Variants in FHIP1A observed in about 807,000 individuals in gnomAD.
FHIP1A encodes FHF complex subunit HOOK-interacting protein 1A.
In FHIP1A, 61 loss-of-function variants were observed where a neutral mutation model predicts 88.6. That is an observed-to-expected ratio of 0.69 (90% CI 0.56 to 0.85). The LOEUF (loss-of-function observed/expected upper bound fraction) is 0.85. Among genes scored for constraint, FHIP1A ranks in the 40% least tolerant of loss-of-function variants. The pLI, the probability that FHIP1A is intolerant of heterozygous loss-of-function variation, is 0.00. For missense variants in FHIP1A, 1,154 were observed against 1,273.5 expected (o/e 0.91, Z 1.43); for synonymous variants, 478 against 496.0 (o/e 0.96, Z 0.48).
chr4:151,644,670 A>C (rs9307883), intron 9 of FHIP1A, among the ~76,000 whole-genome samples: 5,239 of 152,202 alleles, frequency 0.034, 306 homozygotes, highest in African/African-American at 0.12. Context: ...AGGAGTCTTA[A>C]ATATATGCAT....
intron 2 of FHIP1A, among the ~76,000 whole-genome samples, chr4:151,471,090 A>G (rs1488633679): frequency 6.6e-6 from 1 of 152,124 alleles, no homozygotes; most frequent in Non-Finnish European, 1.5e-5. Context: ...GAATGCATAT[A>G]GATGAGGGAC....
rs1737628393 is a variant in FHIP1A, at chr4:151,665,526, GGGTGAAATAACTGAGAGT to G, written c.*2775_*2792del. On this transcript the variant is annotated 3_prime_UTR_variant, in exon 14 of 14. Coordinates refer to ENST00000435205, the MANE Select transcript of FHIP1A (RefSeq NM_001109977.3). ...AGAGAACAGGAAAACCCATGTGGCT[GGGTGAAATAACTGAGAGT>G]GGGTTATTTAGGGAGTGACGTGGAC... is the stretch of plus-strand genomic sequence containing the variant. Among the ~76,000 whole-genome samples the G allele has an allele frequency of 6.6e-6, 1 of 152,222 alleles. No homozygotes were observed. The highest frequency in any genetic ancestry group is 2.4e-5 in the African/African-American group (1 of 41,454).
chr4:151,633,036 A>T (rs775202640), intron 8 of FHIP1A, among the ~76,000 whole-genome samples: 1 of 151,936 alleles, frequency 6.6e-6, no homozygotes, highest in Non-Finnish European at 1.5e-5. Flanking sequence ...TGGTTTTTTA[A>T]AACAACAGCA....
At chr4:151,423,194 C>G (rs371986219) in intron 1 of FHIP1A, among the ~76,000 whole-genome samples, 1 of 152,108 alleles carries the variant, frequency 6.6e-6, no homozygotes, top group African/African-American at 2.4e-5. Context: ...TCCTTTTACC[C>G]GTTGCTTTAA....
At chr4:151,429,075 G>T (rs1013198621) in intron 1 of FHIP1A, among the ~76,000 whole-genome samples, 15 of 150,320 alleles carry the variant, frequency 1.0e-4, no homozygotes, top group African/African-American at 3.7e-4. Flanking sequence ...CAGGCAGTTC[G>T]CCTGTTTTGT....
chr4:151,631,809 C>T lies in FHIP1A; in HGVS notation c.1146+1940C>T, dbSNP rs574194604. ...AGAAAACTCCAACTACTGACTTTTA[C>T]TTTGTGAGGGAAAGAAAAGAGTGAA... On this transcript the variant is annotated intron_variant, in intron 8 of 13. Coordinates refer to ENST00000435205, the MANE Select transcript of FHIP1A (RefSeq NM_001109977.3). Among the ~76,000 whole-genome samples the T allele has an allele frequency of 2.0e-5, 3 of 152,218 alleles. No individual in the cohort carries two copies. In the East Asian group the frequency reaches 5.8e-4, roughly 29 times the overall value.
intron 7 of FHIP1A, among the ~76,000 whole-genome samples, chr4:151,614,479 A>G (rs1735443174): frequency 6.6e-6 from 1 of 152,068 alleles, no homozygotes; most frequent in African/African-American, 2.4e-5. Context: ...AAAAAAAAAA[A>G]AAAAAAAGTT....
At chr4:151,652,203 A>G (rs955198459) in intron 11 of FHIP1A, among the ~76,000 whole-genome samples, 3 of 152,232 alleles carry the variant, frequency 2.0e-5, no homozygotes. Flanking sequence ...ATTAAATAAC[A>G]TCAATATTTT....
chr4:151,644,927 C>T (rs765846442), intron 9 of FHIP1A, among the ~76,000 whole-genome samples: 2 of 152,158 alleles, frequency 1.3e-5, no homozygotes, highest in Non-Finnish European at 2.9e-5. Flanking sequence ...GCTTCTCTCT[C>T]CTGTGTTATT....
intron 4 of FHIP1A, among the ~76,000 whole-genome samples, chr4:151,577,167 G>A (rs1253899111): frequency 1.3e-5 from 2 of 152,038 alleles, no homozygotes; most frequent in African/African-American, 2.4e-5. Flanking sequence ...TCCAAAGAAT[G>A]CATGTAGCTT....
chr4:151,495,990 A>T (rs201808559), intron 3 of FHIP1A, among the ~76,000 whole-genome samples: 1 of 152,084 alleles, frequency 6.6e-6, no homozygotes, highest in Non-Finnish European at 1.5e-5. Flanking sequence ...AAAATAAACA[A>T]TATGTCTACC....
At chr4:151,435,817 T>TA (rs972019104) in intron 1 of FHIP1A, among the ~76,000 whole-genome samples, 5 of 151,370 alleles carry the variant, frequency 3.3e-5, no homozygotes, top group African/African-American at 4.9e-5. Context: ...CTAAATGGTA[T>TA]AAAAAATCTT....
rs529140364 is a variant in FHIP1A, at chr4:151,649,744, C to T, written c.1703C>T (p.Pro568Leu). Reference sequence around the variant, plus strand: ...AGGAAGACAGGACCTCAGCTGGCTCCCAGAAAGGACAAGAGCCAGACAGAG... The same window carrying T: ...AGGAAGACAGGACCTCAGCTGGCTCTCAGAAAGGACAAGAGCCAGACAGAG... ...LPRKTGPQLA[P>L]RKDKSQTELE... The change falls in exon 11 of 14, where the codon CCC (proline) becomes CTC (leucine). Residue 568 changes from proline to leucine, a missense_variant. Transcript: ENST00000435205. 6.4e-7 allele frequency: 1 copy of T among 1,551,630 alleles called. No individual in the cohort carries two copies. Among genetic ancestry groups the T allele is most frequent in the South Asian group, 1.2e-5 (1 of 84,042 alleles).
intron 4 of FHIP1A, among the ~76,000 whole-genome samples, chr4:151,570,140 C>T (rs897395515): frequency 6.6e-5 from 10 of 152,158 alleles, no homozygotes; most frequent in African/African-American, 1.4e-4. Flanking sequence ...GAATTTGTTA[C>T]GTCCTGGCTT....
chr4:151,648,698 TAACTC>T (rs1288231309), intron 10 of FHIP1A, among the ~76,000 whole-genome samples: 2 of 151,526 alleles, frequency 1.3e-5, no homozygotes, highest in Non-Finnish European at 2.9e-5. Flanking sequence ...TTGGGAGAAT[TAACTC>T]AGATAGCATT....
At chr4:151,510,674 C>T (rs910787671) in intron 3 of FHIP1A, among the ~76,000 whole-genome samples, 4 of 152,184 alleles carry the variant, frequency 2.6e-5, no homozygotes, top group Non-Finnish European at 4.4e-5. Context: ...AGCAATCTAG[C>T]AGTGGGTTTT....
intron 2 of FHIP1A, among the ~76,000 whole-genome samples, chr4:151,456,489 G>A (rs894247908): frequency 6.6e-6 from 1 of 152,104 alleles, no homozygotes. Context: ...CAGGTAGAGA[G>A]CTACTTTCTG....
intron 4 of FHIP1A, among the ~76,000 whole-genome samples, chr4:151,570,530 A>G (rs758261616): frequency 2.6e-5 from 4 of 152,178 alleles, no homozygotes; most frequent in Non-Finnish European, 5.9e-5. Context: ...ATGGCACACT[A>G]CAGCCTTGAA....
At chr4:151,470,230 G>A (rs1729461318) in intron 2 of FHIP1A, among the ~76,000 whole-genome samples, 1 of 152,122 alleles carries the variant, frequency 6.6e-6, no homozygotes, top group Admixed American at 6.6e-5. Flanking sequence ...AAAGAAAGCT[G>A]TGTGTATGGA....
Sources: gnomAD v4.1 joint callset for allele counts (sites outside exome capture counted in the v4.1 genomes callset) on GRCh38, gnomAD v4.1.1 for gene constraint, MANE v1.5 for transcripts, NCBI Gene and HGNC (gene_info 2026-07-23, HGNC 2026-07-21) for gene names.